SOX5: variants seen among roughly 807,000 people sequenced by gnomAD.
SOX5 encodes transcription factor SOX-5.
SOX5 carries 9 observed loss-of-function variants against 92.0 expected under a neutral mutation model. That is an observed-to-expected ratio of 0.10 (90% CI 0.06 to 0.17). The LOEUF (loss-of-function observed/expected upper bound fraction) is 0.17, where lower values mean the gene tolerates loss of function less well. Ranked by LOEUF, SOX5 falls within the 10% of genes least tolerant of loss-of-function variation. SOX5 has a pLI of 1.00. For synonymous variants in SOX5, 344 were observed against 336.3 expected, an observed-to-expected ratio of 1.02 and a Z score of -0.25; for missense variants, 642 against 944.5, an observed-to-expected ratio of 0.68 and a Z score of 4.20.
At chr12:23,891,397 C>A (rs1289424645) in intron 2 of SOX5, among the ~76,000 whole-genome samples, 1 of 152,178 alleles carries the variant, frequency 6.6e-6, no homozygotes, top group Non-Finnish European at 1.5e-5. Flanking sequence ...GTGTACAGAA[C>A]TTCTATCTCA....
intron 9 of SOX5, among the ~76,000 whole-genome samples, chr12:23,597,859 G>A (rs1952722751): frequency 6.6e-6 from 1 of 152,204 alleles, no homozygotes; most frequent in South Asian, 2.1e-4. Flanking sequence ...TAAGTGATAT[G>A]CCAGATACTG....
At chr12:24,003,931 A>G (rs1045161169) in intron 4 of SOX5, among the ~76,000 whole-genome samples, 2 of 152,120 alleles carry the variant, frequency 1.3e-5, no homozygotes, top group Admixed American at 6.6e-5. Context: ...ACAGTTTGGA[A>G]CTGTCATAAG....
chr12:24,338,194 T>A (rs941866449), intron 2 of SOX5, among the ~76,000 whole-genome samples: 6 of 152,196 alleles, frequency 3.9e-5, no homozygotes, highest in African/African-American at 1.4e-4. Flanking sequence ...TTATAAAAAA[T>A]TTATTTTATA....
intron 4 of SOX5, among the ~76,000 whole-genome samples, chr12:24,140,315 G>A (rs1950472672): frequency 6.6e-6 from 1 of 152,086 alleles, no homozygotes; most frequent in African/African-American, 2.4e-5. Context: ...TCTGTTGGAA[G>A]GATAAGTGAA....
intron 3 of SOX5, among the ~76,000 whole-genome samples, chr12:24,234,831 A>G (rs1241099434): frequency 6.6e-6 from 1 of 152,166 alleles, no homozygotes; most frequent in Non-Finnish European, 1.5e-5. Context: ...GACCTTTAGC[A>G]AAGTCTGGAG....
At chr12:23,739,752 C>T (rs1455692728) in intron 5 of SOX5, among the ~76,000 whole-genome samples, 2 of 152,166 alleles carry the variant, frequency 1.3e-5, no homozygotes, top group African/African-American at 2.4e-5. Flanking sequence ...AACATGGCTG[C>T]CTTTTGTATG....
chr12:23,914,164 G>C (rs2097384870), intron 1 of SOX5, among the ~76,000 whole-genome samples: 1 of 152,132 alleles, frequency 6.6e-6, no homozygotes, highest in African/African-American at 2.4e-5. Flanking sequence ...TATTGTTGGT[G>C]CTCACTGTAT....
intron 4 of SOX5, among the ~76,000 whole-genome samples, chr12:24,063,583 C>A (rs1290375589): frequency 6.6e-6 from 1 of 152,136 alleles, no homozygotes; most frequent in African/African-American, 2.4e-5. Context: ...TCAATGAAGG[C>A]ATCTGGCTTT....
chr12:24,345,489 A>G (rs922775540), intron 2 of SOX5, among the ~76,000 whole-genome samples: 5 of 152,186 alleles, frequency 3.3e-5, no homozygotes, highest in Non-Finnish European at 7.3e-5. Context: ...TTCATGTTTC[A>G]GATGGATCTT....
At chr12:23,667,856 A>G (rs1330997681) in intron 6 of SOX5, among the ~76,000 whole-genome samples, 2 of 152,222 alleles carry the variant, frequency 1.3e-5, no homozygotes, top group African/African-American at 2.4e-5. Context: ...AATGTAATCC[A>G]AAATGTGTGG....
chr12:23,972,296 G>T (rs1417593140), intron 4 of SOX5, among the ~76,000 whole-genome samples: 1 of 152,180 alleles, frequency 6.6e-6, no homozygotes, highest in East Asian at 1.9e-4. Flanking sequence ...AAAATGCTAA[G>T]CCACTAAAAT....
chr12:23,588,018 G>A, intron 9 of SOX5, among the ~76,000 whole-genome samples: 1 of 151,988 alleles, frequency 6.6e-6, no homozygotes, highest in South Asian at 2.1e-4. Context: ...AGTCATTAAG[G>A]CATTCTTTGT....
intron 2 of SOX5, among the ~76,000 whole-genome samples, chr12:24,332,026 C>G (rs1467368231): frequency 6.6e-6 from 1 of 151,818 alleles, no homozygotes; most frequent in Non-Finnish European, 1.5e-5. Context: ...AACAGAAAGT[C>G]TAAGAACCTG....
intron 1 of SOX5, among the ~76,000 whole-genome samples, chr12:23,902,712 C>A (rs945993059): frequency 1.3e-5 from 2 of 151,950 alleles, no homozygotes; most frequent in Non-Finnish European, 2.9e-5. Flanking sequence ...TTTTCAAGTA[C>A]AGTTCTGTTT....
intron 1 of SOX5, among the ~76,000 whole-genome samples, chr12:24,446,438 G>A (rs969541465): frequency 3.3e-5 from 5 of 152,144 alleles, no homozygotes; most frequent in African/African-American, 4.8e-5. Flanking sequence ...ATGTGGACAA[G>A]TTTAGTATTT....
chr12:24,030,530 A>C (rs2136840476), intron 4 of SOX5, among the ~76,000 whole-genome samples: 1 of 152,082 alleles, frequency 6.6e-6, no homozygotes, highest in East Asian at 1.9e-4. Context: ...CTCACACCAT[A>C]TAGAAAATCA....
chr12:24,262,951 G>A (rs573517148), intron 3 of SOX5, among the ~76,000 whole-genome samples: 4 of 152,188 alleles, frequency 2.6e-5, no homozygotes, highest in Admixed American at 1.3e-4. Flanking sequence ...GCTGCGCGCA[G>A]TGGCTCATGC....
At chr12:23,978,383 G>A (rs1949152984) in intron 4 of SOX5, among the ~76,000 whole-genome samples, 1 of 152,034 alleles carries the variant, frequency 6.6e-6, no homozygotes, top group Admixed American at 6.6e-5. Context: ...TTTTAATACA[G>A]GAAATAAAAC....
intron 3 of SOX5, among the ~76,000 whole-genome samples, chr12:23,807,448 A>G (rs977110885): frequency 2.6e-5 from 4 of 152,144 alleles, no homozygotes; most frequent in African/African-American, 9.7e-5. Flanking sequence ...AAAGATAAAA[A>G]AATCACAAGA....
Sources: gnomAD v4.1 joint callset for allele counts (sites outside exome capture counted in the v4.1 genomes callset) on GRCh38, gnomAD v4.1.1 for gene constraint, MANE v1.5 for transcripts, NCBI Gene and HGNC (gene_info 2026-07-23, HGNC 2026-07-21) for gene names.